RSPH14: variants seen among roughly 807,000 people sequenced by gnomAD.
RSPH14 encodes radial spoke head 14 homolog.
RSPH14 carries 20 observed loss-of-function variants against 26.7 expected under a neutral mutation model. That is an observed-to-expected ratio of 0.75 (90% confidence interval 0.53 to 1.09). The LOEUF is 1.09. Ranked by LOEUF, RSPH14 falls within the 50% of genes least tolerant of loss-of-function variation. RSPH14 has a pLI of 0.00. For synonymous variants in RSPH14, 177 were observed against 189.3 expected (o/e 0.93, Z 0.53); for missense variants, 449 against 457.2 (o/e 0.98, Z 0.16).
At chr22:23,069,053 C>T (rs1347018635) in intron 4 of RSPH14, among the ~76,000 whole-genome samples, 2 of 152,212 alleles carry the variant, frequency 1.3e-5, no homozygotes, top group African/African-American at 4.8e-5. Context: ...TGGCCCATGA[C>T]CCTGCAGGTA....
At chr22:23,130,103 GAA>G (rs796813406) in intron 4 of RSPH14, among the ~76,000 whole-genome samples, 5 of 76,632 alleles carry the variant, frequency 6.5e-5, no homozygotes, top group African/African-American at 1.8e-4. Flanking sequence ...AAGAAAGAAA[GAA>G]AGAAAGAAAG....
intron 3 of RSPH14, chr22:23,136,135 T>C (rs2070478751): frequency 1.6e-6 from 1 of 632,898 alleles, no homozygotes; most frequent in Admixed American, 2.5e-5. Context: ...ACCCACTCCA[T>C]GTCTCTCATG....
intron 3 of RSPH14, among the ~76,000 whole-genome samples, chr22:23,135,621 GA>G: frequency 6.6e-6 from 1 of 152,264 alleles, no homozygotes; most frequent in East Asian, 1.9e-4. Context: ...CTGCAAATCA[GA>G]CGATGTTATG....
In RSPH14 at chr22:23,059,537, G is replaced by A. The variant is rs149525500; in HGVS notation, c.972C>T (p.Tyr324=). ...PTFRAMEVET[Y]EKPQVAEALQ... is the part of the protein sequence containing the mutation. ...AGGCTTCGGCCACTTGAGGCTTTTC[G>A]TAAGTCTCCACCTCCATGGCACGGA... Residue 324 remains tyrosine (Y), a synonymous_variant, in exon 7 of 7, where the codon TAC becomes TAT. Coordinates refer to ENST00000216036, the MANE Select transcript of RSPH14 (RefSeq NM_014433.3). 31 of 1,614,174 alleles carry A rather than the reference G, an allele frequency of 1.9e-5. No individual in the cohort carries two copies. Among genetic ancestry groups the A allele is most frequent in the African/African-American group, 1.9e-4 (14 of 75,058 alleles).
At chr22:23,116,734 C>T (rs964304567) in intron 4 of RSPH14, among the ~76,000 whole-genome samples, 1 of 152,232 alleles carries the variant, frequency 6.6e-6, no homozygotes, top group Non-Finnish European at 1.5e-5. Flanking sequence ...TTGTCCCACA[C>T]AGCTGCCTTG....
At position 23,061,789 on chromosome 22, in the gene RSPH14, G is replaced by A. The variant is rs113209847; in HGVS notation, c.790+20C>T. On this transcript the variant is annotated intron_variant, in intron 6 of 6. Transcript: ENST00000216036. ...AGCCTGCTAGGGTCTCCCTCCCTGC[G>A]GCACCCCCCACCGCCTCACCTTCAG... 8.7e-3 allele frequency: 14,035 copies of A among 1,613,126 alleles called. 969 individuals are homozygous for A. The African/African-American group carries it at 0.16, about 18-fold the overall frequency.
chr22:23,156,042 A>G, the RSPH14 span: 5 of 1,609,644 alleles, frequency 3.1e-6, no homozygotes, highest in Admixed American at 6.7e-5. Flanking sequence ...GGTGAGCAAC[A>G]TGCCACGTCG....
intron 4 of RSPH14, among the ~76,000 whole-genome samples, chr22:23,066,524 G>A (rs868637252): frequency 1.3e-5 from 2 of 152,134 alleles, no homozygotes; most frequent in South Asian, 2.1e-4. Flanking sequence ...CACAGGGACC[G>A]GGGTTCATTT....
At chr22:23,086,200 C>A (rs2068816395) in intron 4 of RSPH14, among the ~76,000 whole-genome samples, 1 of 152,222 alleles carries the variant, frequency 6.6e-6, no homozygotes, top group South Asian at 2.1e-4. Context: ...GCAAGTGATA[C>A]CCAGGTGTGG....
At chr22:23,154,044 A>G in the RSPH14 span, among the ~76,000 whole-genome samples, 1 of 151,848 alleles carries the variant, frequency 6.6e-6, no homozygotes, top group African/African-American at 2.4e-5. Context: ...GATGGCCTCC[A>G]CTGGCCTTAC....
At chr22:23,161,656 A>G in the RSPH14 span, 1 of 1,161,804 alleles carries the variant, frequency 8.6e-7, no homozygotes, top group South Asian at 1.4e-5. Flanking sequence ...CAAGCTCTGC[A>G]GCGTGTCGCC....
chr22:23,061,997 G>T (rs767809305), intron 5 of RSPH14, 52 bp from the exon 6 acceptor site: 29 of 1,606,682 alleles, frequency 1.8e-5, no homozygotes, highest in Non-Finnish European at 2.3e-5. Flanking sequence ...GAGAAGAGGC[G>T]CAAGGCCCAG....
the RSPH14 span, among the ~76,000 whole-genome samples, chr22:23,172,214 T>TCTGGTTC: frequency 6.6e-6 from 1 of 152,156 alleles, no homozygotes; most frequent in Non-Finnish European, 1.5e-5. Flanking sequence ...TCAGACAGCG[T>TCTGGTTC]CTGGTTCTGT....
chr22:23,125,162 A>G (rs901542500), intron 4 of RSPH14: 3 of 152,142 alleles, frequency 2.0e-5, no homozygotes. Context: ...ATACCTCCAC[A>G]CATTTAGGTA....
Position 23,063,943 on chromosome 22 carries a change from C to T in RSPH14, c.612G>A (p.Gln204=). ...VLKQKLLSAN[Q]NIRSKAARAL... is the part of the protein sequence containing the mutation. ...CACGGGCGGCCTTGCTGCGGATGTT[C>T]TGGTTGGCGCTGAGGAGCTTCTGCT... The change falls in exon 5 of 7, where the codon CAG becomes CAA. Residue 204 remains glutamine, a synonymous_variant. Coordinates refer to ENST00000216036, the MANE Select transcript of RSPH14 (RefSeq NM_014433.3). The T allele has an allele frequency of 6.2e-7, 1 of 1,614,206 alleles. No homozygotes were observed. Among genetic ancestry groups the T allele is most frequent in the Non-Finnish European group, 8.5e-7 (1 of 1,180,030 alleles).
chr22:23,145,783 G>A (rs952640919), upstream of RSPH14, among the ~76,000 whole-genome samples: 2 of 152,254 alleles, frequency 1.3e-5, no homozygotes, highest in Non-Finnish European at 2.9e-5. Flanking sequence ...ACCGGACTCC[G>A]CCAGGACCAC....
intron 4 of RSPH14, among the ~76,000 whole-genome samples, chr22:23,082,482 G>C (rs2146276876): frequency 6.6e-6 from 1 of 151,202 alleles, no homozygotes; most frequent in Non-Finnish European, 1.5e-5. Context: ...GCCTCCCAAA[G>C]TGCTGGGATT....
upstream of RSPH14, among the ~76,000 whole-genome samples, chr22:23,144,510 C>T (rs935134094): frequency 1.3e-5 from 2 of 152,130 alleles, no homozygotes; most frequent in African/African-American, 4.8e-5. Flanking sequence ...GAACAACTCA[C>T]CTAAGTTCAC....
intron 4 of RSPH14, among the ~76,000 whole-genome samples, chr22:23,073,779 A>G (rs1413378248): frequency 6.6e-6 from 1 of 152,238 alleles, no homozygotes; most frequent in Non-Finnish European, 1.5e-5. Context: ...CGCCTGCTGC[A>G]TGCCAGGCAC....
Sources: allele counts gnomAD v4.1 joint callset (sites outside exome capture counted in the v4.1 genomes callset), GRCh38; gene constraint gnomAD v4.1.1; transcripts MANE v1.5; gene names NCBI Gene and HGNC (gene_info 2026-07-23, HGNC 2026-07-21).